Variants in CYSTM1 observed in about 807,000 individuals in gnomAD.
The protein encoded by CYSTM1 is cysteine-rich transmembrane module-containing protein 1.
In CYSTM1, 4 loss-of-function variants were observed where a neutral mutation model predicts 13.1. The observed-to-expected ratio is 0.31, with a 90% confidence interval of 0.15 to 0.70. The LOEUF is 0.70. Ranked by LOEUF, CYSTM1 falls within the 30% of genes least tolerant of loss-of-function variation. The pLI is 0.72. For synonymous variants in CYSTM1, 36 were observed against 42.7 expected (o/e 0.84, Z 0.62); for missense variants, 96 against 121.6 (o/e 0.79, Z 0.99).
chr5:140,242,366 CAG>C (rs2126674572), intron 2 of CYSTM1, among the ~76,000 whole-genome samples: 1 of 152,252 alleles, frequency 6.6e-6, no homozygotes, highest in South Asian at 2.1e-4. Context: ...GGTCTAAAAA[CAG>C]ATACAAAACA....
rs551898205 is a variant in CYSTM1 at position 140,219,035 on chromosome 5, A to T, written c.188-24270A>T. ...CTTTTTAAATCTGGCTTCAGTGACA[A>T]GCTGGCCAAGCCTGATAGAGTTCAC... On this transcript the variant is annotated intron_variant, in intron 2 of 2. Coordinates refer to ENST00000261811, the MANE Select transcript of CYSTM1 (RefSeq NM_032412.4). This position sits in a 1 kb window ranked among gnomAD's most constrained non-coding sequence, Gnocchi z 4.1. Among the ~76,000 whole-genome samples the T allele has an allele frequency of 5.9e-5, 9 of 152,296 alleles. No individual in the cohort carries two copies. The South Asian group carries it at 1.9e-3, about 32-fold the overall frequency.
chr5:140,220,612 T>G (rs1032038638), intron 2 of CYSTM1, among the ~76,000 whole-genome samples: 2 of 152,154 alleles, frequency 1.3e-5, no homozygotes, highest in African/African-American at 4.8e-5. Flanking sequence ...CTCTTGTTTC[T>G]GGACTCCTCT....
chr5:140,202,384 TG>T (rs1764244387), intron 2 of CYSTM1: 1 of 152,240 alleles, frequency 6.6e-6, no homozygotes. Context: ...AAGGTCCATT[TG>T]GCAGCCAGAT....
intron 2 of CYSTM1, among the ~76,000 whole-genome samples, chr5:140,218,323 T>A (rs1208029802): frequency 2.6e-5 from 4 of 152,214 alleles, no homozygotes; most frequent in Non-Finnish European, 5.9e-5. Context: ...ACCAGTTCTA[T>A]GCAATGCCCA....
intron 1 of CYSTM1, among the ~76,000 whole-genome samples, chr5:140,188,894 G>A (rs1764056802): frequency 1.3e-5 from 2 of 152,018 alleles, no homozygotes; most frequent in African/African-American, 4.8e-5. Flanking sequence ...TGCTGTTACT[G>A]TACAATTTAC....
intron 2 of CYSTM1, among the ~76,000 whole-genome samples, chr5:140,227,543 G>A (rs571574211): frequency 6.6e-6 from 1 of 152,146 alleles, no homozygotes; most frequent in African/African-American, 2.4e-5. Flanking sequence ...TATGGGTTAG[G>A]AGGTGCCAGG....
chr5:140,208,521 C>A (rs1764325016), intron 2 of CYSTM1, among the ~76,000 whole-genome samples: 1 of 151,970 alleles, frequency 6.6e-6, no homozygotes, highest in Non-Finnish European at 1.5e-5. Flanking sequence ...TTTGCTAGCA[C>A]AACAGAGTGA....
intron 2 of CYSTM1, among the ~76,000 whole-genome samples, chr5:140,227,348 TA>T (rs1764570001): frequency 6.6e-6 from 1 of 152,094 alleles, no homozygotes; most frequent in Non-Finnish European, 1.5e-5. Context: ...GGCTCAGCCC[TA>T]GGAATTGCAG....
At chr5:140,185,782 A>G (rs796598333) in intron 1 of CYSTM1, among the ~76,000 whole-genome samples, 9 of 152,302 alleles carry the variant, frequency 5.9e-5, no homozygotes, top group Admixed American at 2.0e-4. Flanking sequence ...GAGAAGGCCT[A>G]CAGTTCTGGA....
chr5:140,182,614 G>T (rs1242252991), intron 1 of CYSTM1, among the ~76,000 whole-genome samples: 2 of 151,270 alleles, frequency 1.3e-5, no homozygotes, highest in Non-Finnish European at 2.9e-5. Flanking sequence ...TCTTTCTTGG[G>T]GGGCAGGAGG....
At chr5:140,235,000 AC>A (rs1764662984) in intron 2 of CYSTM1, among the ~76,000 whole-genome samples, 1 of 141,318 alleles carries the variant, frequency 7.1e-6, no homozygotes, top group Non-Finnish European at 1.5e-5. Flanking sequence ...ATGGAGTCTC[AC>A]CCTTGCCCAG....
rs563632765 is a variant in CYSTM1 at position 140,210,725 on chromosome 5, T to C, written c.187+16073T>C. On this transcript the variant is annotated intron_variant, in intron 2 of 2. Transcript: ENST00000261811. ...CAGGGTCTCGCTCTGTTACACAGGC[T>C]GGTCTTGAGTTCCTGGGCTCAAACC... Among the ~76,000 whole-genome samples, 4 of 152,264 alleles carry C rather than the reference T, an allele frequency of 2.6e-5. No individual in the cohort carries two copies. The South Asian group carries it at 8.3e-4, about 32-fold the overall frequency.
chr5:140,243,466 G>A lies in CYSTM1; in HGVS notation c.*55G>A. 2 of 1,479,222 alleles carry A rather than the reference G, an allele frequency of 1.4e-6. No homozygotes were observed. Among genetic ancestry groups the A allele is most frequent in the Non-Finnish European group, 1.9e-6 (2 of 1,066,892 alleles). 91.6% of individuals were successfully genotyped at this position (1,479,222 alleles called of 1,614,324 possible). A position where few individuals can be genotyped will look rare whatever the true frequency, so the allele number is the denominator to read the frequency against. ...AGCTCTGCTGCCACCTCTGACAGGT[G>A]TGCCTGCCCCCATCTCTTCTGATTG... On this transcript the variant is annotated 3_prime_UTR_variant, in exon 3 of 3. Coordinates refer to ENST00000261811, the MANE Select transcript of CYSTM1 (RefSeq NM_032412.4).
At chr5:140,187,654 C>T (rs937783151) in intron 1 of CYSTM1, among the ~76,000 whole-genome samples, 8 of 152,218 alleles carry the variant, frequency 5.3e-5, no homozygotes, top group Admixed American at 2.0e-4. Context: ...AGGTGTGAAC[C>T]ATGGTGCCTG....
chr5:140,194,492 T>C lies in CYSTM1; in HGVS notation c.27T>C (p.Tyr9=). 1 of 1,607,228 alleles carries C rather than the reference T, an allele frequency of 6.2e-7. No homozygotes were observed. The highest frequency in any genetic ancestry group is 8.5e-7 in the Non-Finnish European group (1 of 1,178,164). ...TGAACCAAGAGAACCCTCCACCATATCCAGGCCCTGGTCCAACGGCCCCAT... is the reference window on the plus strand; with the variant it reads ...TGAACCAAGAGAACCCTCCACCATACCCAGGCCCTGGTCCAACGGCCCCAT... MNQENPPP[Y]PGPGPTAPYP... The change falls in exon 2 of 3, where the codon TAT becomes TAC. Residue 9 remains tyrosine (Y), a synonymous_variant. Transcript: ENST00000261811.
intron 1 of CYSTM1, among the ~76,000 whole-genome samples, chr5:140,182,864 G>A (rs1412541219): frequency 2.0e-5 from 3 of 152,130 alleles, no homozygotes; most frequent in Non-Finnish European, 2.9e-5. Context: ...CACATGATAG[G>A]CATGAGTGGT....
At position 140,243,290 on chromosome 5, in the gene CYSTM1, C is replaced by T. The variant is rs956814635; in HGVS notation, c.188-15C>T. On this transcript the variant is annotated splice_polypyrimidine_tract_variant and intron_variant, in intron 2 of 2. Transcript: ENST00000261811. ...CACCAGTCCATTCTCACCCTCTTCC[C>T]TCTTCTCCCTCCAGTGTATGTGGTA... 1.2e-6 allele frequency: 2 copies of T among 1,609,586 alleles called. No homozygotes were observed. Among genetic ancestry groups the T allele is most frequent in the African/African-American group, 1.3e-5 (1 of 74,848 alleles).
chr5:140,224,628 C>G (rs1764528296), intron 2 of CYSTM1, among the ~76,000 whole-genome samples: 1 of 152,094 alleles, frequency 6.6e-6, no homozygotes, highest in African/African-American at 2.4e-5. Context: ...TCAAGCAATC[C>G]TCCTGCTTCA....
At chr5:140,218,369 T>C (rs1012375048) in intron 2 of CYSTM1, among the ~76,000 whole-genome samples, 2 of 152,208 alleles carry the variant, frequency 1.3e-5, no homozygotes, top group African/African-American at 2.4e-5. Context: ...TGGGAAGCCC[T>C]GCCTTCTGTC....
Sources: allele counts gnomAD v4.1 joint callset (sites outside exome capture counted in the v4.1 genomes callset), GRCh38; gene constraint gnomAD v4.1.1; non-coding constraint Gnocchi (gnomAD v3.1); transcripts MANE v1.5; gene names NCBI Gene and HGNC (gene_info 2026-07-23, HGNC 2026-07-21).